SEMA5A: variants seen among roughly 807,000 people sequenced by gnomAD.
SEMA5A encodes the protein semaphorin 5A.
Under a neutral mutation model 135.5 loss-of-function variants are expected in SEMA5A, and 55 were observed. That is an observed-to-expected ratio of 0.41 (90% CI 0.33 to 0.51). SEMA5A has a LOEUF of 0.51. Ranked by LOEUF, SEMA5A falls within the 20% of genes least tolerant of loss-of-function variation. The pLI is 0.37. For synonymous variants in SEMA5A, 580 were observed against 546.5 expected (o/e 1.06, Z -0.85); for missense variants, 1,290 against 1,419.9 (o/e 0.91, Z 1.47).
intron 5 of SEMA5A, among the ~76,000 whole-genome samples, chr5:9,251,844 T>C (rs1748809574): frequency 1.3e-5 from 2 of 152,294 alleles, no homozygotes; most frequent in African/African-American, 4.8e-5. Context: ...GGTACTCTTC[T>C]GCCCATCATA....
At chr5:9,224,446 T>A (rs1422073047) in intron 8 of SEMA5A, among the ~76,000 whole-genome samples, 2 of 152,122 alleles carry the variant, frequency 1.3e-5, no homozygotes, top group Admixed American at 6.5e-5. Context: ...CATATCAACA[T>A]TAGCCATATT....
intron 2 of SEMA5A, among the ~76,000 whole-genome samples, chr5:9,390,278 T>C (rs1012979421): frequency 6.6e-6 from 1 of 152,210 alleles, no homozygotes; most frequent in Non-Finnish European, 1.5e-5. Context: ...GGGGGTCCCC[T>C]GGGCCTGGAA....
intron 1 of SEMA5A, among the ~76,000 whole-genome samples, chr5:9,462,469 A>G (rs1759093103): frequency 1.3e-5 from 2 of 152,192 alleles, no homozygotes; most frequent in Admixed American, 1.3e-4. Context: ...AATCCCATTA[A>G]TTGATACACA....
chr5:9,458,373 T>A (rs116557440), intron 1 of SEMA5A, among the ~76,000 whole-genome samples: 1,913 of 152,304 alleles, frequency 0.013, 36 homozygotes, highest in African/African-American at 0.043. Context: ...GATGAATCTT[T>A]CGCTCTTTCT....
At chr5:9,532,499 C>T (rs539030179) in intron 1 of SEMA5A, among the ~76,000 whole-genome samples, 1 of 147,064 alleles carries the variant, frequency 6.8e-6, no homozygotes, top group South Asian at 2.2e-4. Flanking sequence ...TGTTGGCCAG[C>T]CTGGTCTCGA....
At chr5:9,434,233 G>A (rs1021925011) in intron 2 of SEMA5A, among the ~76,000 whole-genome samples, 1 of 152,124 alleles carries the variant, frequency 6.6e-6, no homozygotes, top group East Asian at 1.9e-4. Flanking sequence ...GAGAAAGTAT[G>A]TATAAGTGAA....
intron 2 of SEMA5A, among the ~76,000 whole-genome samples, chr5:9,424,396 T>C (rs182626702): frequency 1.1e-4 from 17 of 152,286 alleles, no homozygotes; most frequent in East Asian, 3.9e-4. Flanking sequence ...CTATAGCAAA[T>C]GAAATATTAT....
intron 5 of SEMA5A, among the ~76,000 whole-genome samples, chr5:9,275,141 A>G (rs949234951): frequency 6.6e-6 from 1 of 152,118 alleles, no homozygotes; most frequent in East Asian, 1.9e-4. Context: ...AAAAAATGAT[A>G]AAGGGTATAT....
chr5:9,408,945 T>A (rs1484913289), intron 2 of SEMA5A, among the ~76,000 whole-genome samples: 1 of 152,194 alleles, frequency 6.6e-6, no homozygotes, highest in Non-Finnish European at 1.5e-5. Flanking sequence ...GAGAGCACGT[T>A]GAAGAAAATT....
intron 1 of SEMA5A, chr5:9,522,865 C>T (rs1023001441): frequency 1.3e-5 from 2 of 152,190 alleles, no homozygotes; most frequent in Non-Finnish European, 2.9e-5. Context: ...GCCTTTTATG[C>T]ACTGAGATAG....
intron 5 of SEMA5A, among the ~76,000 whole-genome samples, chr5:9,266,656 A>G (rs888450499): frequency 6.6e-6 from 1 of 152,224 alleles, no homozygotes; most frequent in Non-Finnish European, 1.5e-5. Context: ...AATTATAACT[A>G]TTCTCTTTTG....
At chr5:9,396,542 A>G (rs73034703) in intron 2 of SEMA5A, among the ~76,000 whole-genome samples, 5,965 of 152,114 alleles carry the variant, frequency 0.039, 152 homozygotes, top group Middle Eastern at 0.088. Flanking sequence ...CCCACTCTCA[A>G]CCATCTCCTT....
chr5:9,298,964 T>C (rs1234702112), intron 5 of SEMA5A, among the ~76,000 whole-genome samples: 1 of 152,232 alleles, frequency 6.6e-6, no homozygotes, highest in Non-Finnish European at 1.5e-5. Flanking sequence ...ATACTTCCCT[T>C]ATGGAGCTTT....
chr5:9,336,192 G>C (rs1317232866), intron 4 of SEMA5A, among the ~76,000 whole-genome samples: 1 of 152,112 alleles, frequency 6.6e-6, no homozygotes, highest in African/African-American at 2.4e-5. Flanking sequence ...AAAAAGCCCA[G>C]AGGCAAGAAA....
intron 5 of SEMA5A, among the ~76,000 whole-genome samples, chr5:9,246,433 C>T (rs1485425646): frequency 1.3e-5 from 2 of 152,128 alleles, no homozygotes; most frequent in Non-Finnish European, 2.9e-5. Context: ...GTTATATTTT[C>T]TCTCTTTTAC....
chr5:9,530,769 G>A (rs1242244859), intron 1 of SEMA5A, among the ~76,000 whole-genome samples: 3 of 152,160 alleles, frequency 2.0e-5, no homozygotes, highest in African/African-American at 7.2e-5. Context: ...GAGCTCAGAG[G>A]CTAATCAAGG....
intron 3 of SEMA5A, among the ~76,000 whole-genome samples, chr5:9,344,257 A>G (rs143355767): frequency 3.9e-5 from 6 of 152,322 alleles, no homozygotes; most frequent in African/African-American, 1.4e-4. Flanking sequence ...AAACCCTGAA[A>G]TTTTGACAAG....
At chr5:9,536,477 A>G (rs1737774108) in intron 1 of SEMA5A, among the ~76,000 whole-genome samples, 1 of 151,994 alleles carries the variant, frequency 6.6e-6, no homozygotes, top group Non-Finnish European at 1.5e-5. Context: ...GCTGGGCATG[A>G]TGGTGCATGC....
chr5:9,220,376 CA>C (rs1180985259), intron 8 of SEMA5A, among the ~76,000 whole-genome samples: 1 of 151,168 alleles, frequency 6.6e-6, no homozygotes, highest in Non-Finnish European at 1.5e-5. Context: ...GAAAAAACAA[CA>C]AAAAAACTTC....
Sources: gnomAD v4.1 joint callset for allele counts (sites outside exome capture counted in the v4.1 genomes callset) on GRCh38, gnomAD v4.1.1 for gene constraint, MANE v1.5 for transcripts, NCBI Gene and HGNC (gene_info 2026-07-23, HGNC 2026-07-21) for gene names.